BAIAP2L1: variants seen among roughly 807,000 people sequenced by gnomAD.
The protein encoded by BAIAP2L1 is BAR/IMD domain containing adaptor protein 2 like 1.
A neutral mutation model predicts 66.3 loss-of-function variants in BAIAP2L1; 35 were observed. The ratio of observed to expected loss-of-function variants is 0.53; its 90% CI spans 0.40 to 0.70. The LOEUF is 0.70. BAIAP2L1 is among the 30% of genes least tolerant of loss of function. The pLI is 0.00. For synonymous variants in BAIAP2L1, 269 were observed against 248.7 expected (o/e 1.08, Z -0.77); for missense variants, 622 against 656.9 (o/e 0.95, Z 0.58).
At chr7:98,374,922 C>T (rs1056548249) in intron 1 of BAIAP2L1, among the ~76,000 whole-genome samples, 2 of 151,810 alleles carry the variant, frequency 1.3e-5, no homozygotes, top group Non-Finnish European at 2.9e-5. Context: ...CCTGTCTCTA[C>T]CAAAAATTCA....
rs78108108 is a variant in BAIAP2L1, at chr7:98,319,393, C to G, written c.348+665G>C. ...GAGCCCCGGACGGTGCTCTCCCGCA[C>G]ACCACCCACAGCCTGAAGTGCTGCT... On this transcript the variant is annotated intron_variant, in intron 5 of 13. Transcript: ENST00000005260. Among the ~76,000 whole-genome samples the G allele has an allele frequency of 4.9e-3, 743 of 152,326 alleles. 11 individuals carry two copies. Among genetic ancestry groups the G allele is most frequent in the African/African-American group, 0.017 (695 of 41,582 alleles).
At chr7:98,337,254 AAG>A (rs1224087021) in intron 3 of BAIAP2L1, among the ~76,000 whole-genome samples, 1 of 149,606 alleles carries the variant, frequency 6.7e-6, no homozygotes, top group Non-Finnish European at 1.5e-5. Context: ...TTTTTTTTGA[AAG>A]AGTCTCACTC....
chr7:98,322,376 C>T (rs1448157707), intron 3 of BAIAP2L1, among the ~76,000 whole-genome samples: 4 of 152,172 alleles, frequency 2.6e-5, no homozygotes, highest in Non-Finnish European at 2.9e-5. Flanking sequence ...ACCTCATCCT[C>T]GACATGTCTC....
intron 3 of BAIAP2L1, among the ~76,000 whole-genome samples, chr7:98,325,215 T>C (rs997495881): frequency 3.3e-5 from 5 of 151,914 alleles, no homozygotes; most frequent in Admixed American, 2.0e-4. Flanking sequence ...AAACCCTGTC[T>C]CTACTCAAAA....
At chr7:98,318,593 A>G (rs1360344358) in intron 5 of BAIAP2L1, among the ~76,000 whole-genome samples, 1 of 151,854 alleles carries the variant, frequency 6.6e-6, no homozygotes, top group Non-Finnish European at 1.5e-5. Context: ...CAGGGTCTTA[A>G]ACGGACCCGC....
chr7:98,330,697 G>A (rs976042194), intron 3 of BAIAP2L1, among the ~76,000 whole-genome samples: 2 of 152,136 alleles, frequency 1.3e-5, no homozygotes, highest in Non-Finnish European at 2.9e-5. Context: ...AGGTTTATTT[G>A]GCTCTGGGTT....
intron 7 of BAIAP2L1, among the ~76,000 whole-genome samples, chr7:98,315,078 T>C (rs1217141313): frequency 6.6e-6 from 1 of 152,182 alleles, no homozygotes; most frequent in African/African-American, 2.4e-5. Flanking sequence ...TGCTTTATAT[T>C]GGGCATGTGT....
intron 10 of BAIAP2L1, chr7:98,306,992 C>T (rs1306993702): frequency 6.2e-6 from 1 of 160,430 alleles, no homozygotes; most frequent in Non-Finnish European, 1.4e-5. Flanking sequence ...AAGCTAGTTA[C>T]AGGAAGGCTT....
At chr7:98,325,585 G>A (rs1801363856) in intron 3 of BAIAP2L1, among the ~76,000 whole-genome samples, 1 of 151,674 alleles carries the variant, frequency 6.6e-6, no homozygotes, top group African/African-American at 2.4e-5. Context: ...GGCTGAGGTA[G>A]GAGAACTGCT....
At chr7:98,359,596 T>G (rs1414832481) in intron 2 of BAIAP2L1, among the ~76,000 whole-genome samples, 1 of 151,964 alleles carries the variant, frequency 6.6e-6, no homozygotes, top group South Asian at 2.1e-4. Flanking sequence ...ATGCGTGCAG[T>G]AGTGTCTGCC....
Position 98,320,286 on chromosome 7 carries a change from A to C in BAIAP2L1, c.227T>G (p.Ile76Arg), listed in dbSNP as rs369919591. The C allele has an allele frequency of 6.6e-5, 106 of 1,606,506 alleles. No homozygotes were observed. The African/African-American group carries it at 1.3e-3, about 20-fold the overall frequency. Residue 76 changes from isoleucine (I) to arginine (R), a missense_variant, in exon 4 of 14, where the codon ATA (isoleucine) becomes AGA (arginine). Coordinates refer to ENST00000005260, the MANE Select transcript of BAIAP2L1 (RefSeq NM_018842.5). Reference sequence around the variant, plus strand: ...TTTCTTGTGGGTACTTGAAATCTCTATGAGGACATGTCCTGGGAACAAAAC... The same window carrying C: ...TTTCTTGTGGGTACTTGAAATCTCTCTGAGGACATGTCCTGGGAACAAAAC... ...PVSTELGHVL[I>R]EISSTHKKLN...
intron 8 of BAIAP2L1, among the ~76,000 whole-genome samples, chr7:98,311,175 G>A (rs1800854525): frequency 1.3e-5 from 2 of 152,172 alleles, no homozygotes; most frequent in African/African-American, 4.8e-5. Flanking sequence ...TGCCATCAGA[G>A]TGTGTCTAAT....
intron 10 of BAIAP2L1, 58 bp downstream of exon 10, chr7:98,307,631 T>TG: frequency 6.3e-7 from 1 of 1,598,864 alleles, no homozygotes; most frequent in East Asian, 2.2e-5. Context: ...GCAGCTTGGC[T>TG]GCTCTGGAAG....
intron 1 of BAIAP2L1, among the ~76,000 whole-genome samples, chr7:98,391,219 G>A (rs894484217): frequency 6.6e-6 from 1 of 152,070 alleles, no homozygotes; most frequent in Middle Eastern, 3.2e-3. Context: ...AGCACTCTAG[G>A]AGGTGAAATA....
At position 98,301,072 on chromosome 7, in the gene BAIAP2L1, G is replaced by C. The variant is rs56199538; in HGVS notation, c.1422+3124C>G. Among the ~76,000 whole-genome samples the C allele has an allele frequency of 9.7e-3, 1,470 of 152,202 alleles. 11 individuals are homozygous for C. The highest frequency in any genetic ancestry group is 0.014 in the Non-Finnish European group (939 of 67,992). Reference sequence around the variant, plus strand: ...GGCTCTAGGCCGCCCAGTAGAGGCCGGCTGGATGAATGCTGATGGGACGGT... The same window carrying C: ...GGCTCTAGGCCGCCCAGTAGAGGCCCGCTGGATGAATGCTGATGGGACGGT... On this transcript the variant is annotated intron_variant, in intron 12 of 13. Transcript: ENST00000005260.
intron 3 of BAIAP2L1, among the ~76,000 whole-genome samples, chr7:98,328,187 G>T (rs941919559): frequency 2.0e-4 from 30 of 152,244 alleles, no homozygotes; most frequent in African/African-American, 7.2e-4. Context: ...TTAGGAAGAA[G>T]AGCTCATGAG....
intron 12 of BAIAP2L1, among the ~76,000 whole-genome samples, chr7:98,301,278 C>T (rs1170069415): frequency 1.3e-5 from 2 of 152,296 alleles, no homozygotes; most frequent in East Asian, 3.9e-4. Context: ...GCCTTCTCAT[C>T]GATTTCAGTG....
chr7:98,317,102 C>T, intron 6 of BAIAP2L1, 117 bp downstream of exon 6: 1 of 1,316,108 alleles, frequency 7.6e-7, no homozygotes, highest in East Asian at 2.4e-5. Flanking sequence ...ATCCTACTGC[C>T]TCGGCCTCCC....
intron 12 of BAIAP2L1, among the ~76,000 whole-genome samples, chr7:98,301,599 G>A (rs1800426783): frequency 1.3e-5 from 2 of 151,998 alleles, no homozygotes; most frequent in South Asian, 4.2e-4. Context: ...TTACAGGCGT[G>A]AGCCACCGTG....
Sources: allele counts gnomAD v4.1 joint callset (sites outside exome capture counted in the v4.1 genomes callset), GRCh38; gene constraint gnomAD v4.1.1; transcripts MANE v1.5; gene names NCBI Gene and HGNC (gene_info 2026-07-23, HGNC 2026-07-21).